The following PHYHD1 variants were observed in gnomAD, a reference collection of about 807,000 sequenced individuals.
PHYHD1 encodes phytanoyl-CoA dioxygenase domain containing 1.
Under a neutral mutation model 43.6 loss-of-function variants are expected in PHYHD1, and 42 were observed. The ratio of observed to expected loss-of-function variants is 0.96; its 90% CI spans 0.75 to 1.25. The LOEUF (loss-of-function observed/expected upper bound fraction) is 1.25, where lower values mean the gene tolerates loss of function less well. Among genes scored for constraint, PHYHD1 ranks in the 50% most tolerant of loss-of-function variants. The probability of loss-of-function intolerance (pLI) is 0.00; values close to 1 mark genes in which losing one functional copy is unlikely to be tolerated. For missense variants in PHYHD1, 342 were observed against 370.8 expected (o/e 0.92, Z 0.64); for synonymous variants, 139 against 143.6 (o/e 0.97, Z 0.23).
intron 4 of PHYHD1, among the ~76,000 whole-genome samples, chr9:128,927,671 C>T (rs1841171441): frequency 6.6e-6 from 1 of 152,230 alleles, no homozygotes; most frequent in Non-Finnish European, 1.5e-5. Flanking sequence ...ATTATCCCCC[C>T]ATTAGACAGT....
rs113079114 is a variant in PHYHD1, at chr9:128,936,591, C to T, written c.381C>T (p.Ala127=). 10 of 1,580,636 alleles carry T rather than the reference C, an allele frequency of 6.3e-6. No individual in the cohort carries two copies. The highest frequency in any genetic ancestry group is 8.6e-6 in the Non-Finnish European group (10 of 1,162,634). Reference sequence around the variant, plus strand: ...CCTTTGCCCCCCTCCAGACCTTGGCCAGAAGTCTGGGCCTCCAGATGCCCG... The same window carrying T: ...CCTTTGCCCCCCTCCAGACCTTGGCTAGAAGTCTGGGCCTCCAGATGCCCG... ...ITHSFKVQTL[A]RSLGLQMPVV... The change falls in exon 8 of 13, where the codon GCC becomes GCT. Residue 127 remains alanine (A), a synonymous_variant. Transcript: ENST00000372592.
At chr9:128,934,097 G>A in intron 6 of PHYHD1, 39 bp downstream of exon 6, 1 of 1,595,780 alleles carries the variant, frequency 6.3e-7, no homozygotes, top group Non-Finnish European at 8.6e-7. Context: ...GAAGATCGGG[G>A]AACAGGCTGG....
intron 11 of PHYHD1, 140 bp downstream of exon 11, chr9:128,940,855 G>A: frequency 2.5e-6 from 2 of 811,258 alleles, no homozygotes; most frequent in Non-Finnish European, 3.8e-6. Context: ...GGGCTGGATG[G>A]GCGCTGGGAA....
At chr9:128,923,459 C>T (rs929525165) in intron 3 of PHYHD1, among the ~76,000 whole-genome samples, 6 of 152,212 alleles carry the variant, frequency 3.9e-5, no homozygotes, top group Non-Finnish European at 7.3e-5. Context: ...CTTACTTGGT[C>T]AAGTTCTCAC....
In PHYHD1 at chr9:128,941,591, T is replaced by C. The variant is rs550486293; in HGVS notation, c.830+20T>C. ...GAACTGGTAGGTGACAGGGTGGGTG[T>C]GTGTGCCCGACAGTCCCCTGGAGGC... On this transcript the variant is annotated intron_variant, in intron 12 of 12. Transcript: ENST00000372592. The C allele has an allele frequency of 3.1e-6, 5 of 1,613,954 alleles. 1 individual carries two copies. In the African/African-American group the frequency reaches 5.3e-5, roughly 17 times the overall value.
chr9:128,937,578 T>A (rs1233057036), intron 8 of PHYHD1, among the ~76,000 whole-genome samples, 179 bp from the exon 9 acceptor site: 5 of 151,062 alleles, frequency 3.3e-5, no homozygotes, highest in Non-Finnish European at 7.4e-5. Flanking sequence ...GGGGTGGGGG[T>A]TTTCTCTTTG....
At chr9:128,932,168 TGTTA>T (rs1841301702) in intron 4 of PHYHD1, among the ~76,000 whole-genome samples, 1 of 122,878 alleles carries the variant, frequency 8.1e-6, no homozygotes, top group African/African-American at 3.5e-5. Flanking sequence ...TTATTATTAT[TGTTA>T]TTATTATTAT....
At position 128,923,058 on chromosome 9, in the gene PHYHD1, C is replaced by T. The variant is rs538849738; in HGVS notation, c.33+702C>T. Among the ~76,000 whole-genome samples, 842 of 151,456 alleles carry T rather than the reference C, an allele frequency of 5.6e-3. 9 individuals are homozygous for T. Among genetic ancestry groups the T allele is most frequent in the Non-Finnish European group, 5.9e-3 (403 of 67,924 alleles). On this transcript the variant is annotated intron_variant, in intron 3 of 12. Transcript: ENST00000372592. ...CTCCCAGGTTCAAACGACTCTCCTACCTTAGCCTCCCGAATAGCTGGGATT... is the reference window on the plus strand; with the variant it reads ...CTCCCAGGTTCAAACGACTCTCCTATCTTAGCCTCCCGAATAGCTGGGATT...
intron 4 of PHYHD1, among the ~76,000 whole-genome samples, chr9:128,930,706 T>C (rs1446935000): frequency 6.6e-6 from 1 of 151,724 alleles, no homozygotes; most frequent in South Asian, 2.1e-4. Flanking sequence ...CCCCAGCACT[T>C]TGGGAGGCCG....
intron 4 of PHYHD1, among the ~76,000 whole-genome samples, chr9:128,927,813 G>A (rs952964781): frequency 1.2e-4 from 18 of 152,266 alleles, no homozygotes; most frequent in Admixed American, 3.9e-4. Flanking sequence ...TCTGTTTTCC[G>A]GCTGTTCTCT....
chr9:128,922,048 G>A lies in PHYHD1; in HGVS notation c.-42+1G>A. On this transcript the variant is annotated splice_donor_variant, in intron 2 of 12. Coordinates refer to ENST00000372592, the MANE Select transcript of PHYHD1 (RefSeq NM_001100876.2). LOFTEE classifies it low-confidence loss of function (5UTR_SPLICE). Reference sequence around the variant, plus strand: ...TCACAGCATAATTTCCCGGCACCTGGTAAGCAGTGGTGGGGGGTGGTTTCC... The same window carrying A: ...TCACAGCATAATTTCCCGGCACCTGATAAGCAGTGGTGGGGGGTGGTTTCC... The A allele has an allele frequency of 4.0e-6, 2 of 500,696 alleles. No homozygotes were observed. The highest frequency in any genetic ancestry group is 7.1e-6 in the Non-Finnish European group (2 of 281,446). The allele number at this position is 500,696 out of a possible 1,614,324, so 31.0% of individuals were successfully genotyped here. A position where few individuals can be genotyped will look rare whatever the true frequency, so the allele number is the denominator to read the frequency against.
chr9:128,926,017 T>C (rs1400795044), intron 3 of PHYHD1, among the ~76,000 whole-genome samples: 1 of 152,204 alleles, frequency 6.6e-6, no homozygotes, highest in Non-Finnish European at 1.5e-5. Context: ...CCTGTGTGGT[T>C]AGTGTAATGC....
At chr9:128,929,826 C>T (rs886746207) in intron 4 of PHYHD1, among the ~76,000 whole-genome samples, 5 of 152,040 alleles carry the variant, frequency 3.3e-5, no homozygotes, top group Non-Finnish European at 5.9e-5. Context: ...AGCATCATTA[C>T]CTTTAATATT....
intron 4 of PHYHD1, among the ~76,000 whole-genome samples, chr9:128,932,163 A>ATTTTTTTTTTTTTT (rs1564540363): frequency 2.4e-5 from 3 of 125,342 alleles, no homozygotes; most frequent in African/African-American, 1.0e-4. Flanking sequence ...TATTATTATT[A>ATTTTTTTTTTTTTT]TTATTGTTAT....
Position 128,940,374 on chromosome 9 carries a change from C to A in PHYHD1, c.463C>A (p.Pro155Thr). The change falls in exon 10 of 13, where the codon CCT becomes ACT. Residue 155 changes from proline to threonine, a missense_variant. By Grantham distance (38) the Pro-to-Thr change is conservative. Coordinates refer to ENST00000372592, the MANE Select transcript of PHYHD1 (RefSeq NM_001100876.2). ...KQPHFGGEVS[P>T]HQDASFLYTE... ...CCCCCCGTGGGCCTGCTTAGTCTCC[C>A]CTCATCAGGACGCCTCCTTCCTGTA... is the stretch of plus-strand genomic sequence containing the variant. 1 of 1,614,168 alleles carries A rather than the reference C, an allele frequency of 6.2e-7. No individual in the cohort carries two copies. The highest frequency in any genetic ancestry group is 1.1e-5 in the South Asian group (1 of 91,086).
rs560118454 is a variant in PHYHD1, at chr9:128,924,724, C to T, written c.34-2314C>T. ...CCGAAGTGAGTGGATCACCTGAGGT[C>T]AGGAGTTCGAGACCAGCCTGGCCAA... On this transcript the variant is annotated intron_variant, in intron 3 of 12. Transcript: ENST00000372592. 1.1e-3 allele frequency among the ~76,000 whole-genome samples: 173 copies of T among 151,944 alleles called. 1 individual carries two copies. The highest frequency in any genetic ancestry group is 3.9e-3 in the African/African-American group (163 of 41,442).
chr9:128,934,500 C>T (rs1464994430), intron 6 of PHYHD1, among the ~76,000 whole-genome samples: 2 of 151,432 alleles, frequency 1.3e-5, no homozygotes, highest in East Asian at 1.9e-4. Flanking sequence ...TGGGCGTGGT[C>T]GTTCACGTCT....
At chr9:128,926,839 C>CG (rs780922391) in intron 3 of PHYHD1, 199 bp from the exon 4 acceptor site, 21 of 718,234 alleles carry the variant, frequency 2.9e-5, no homozygotes, top group Non-Finnish European at 5.0e-5. Flanking sequence ...CCACTGCACC[C>CG]GGCCTCACTA....
At chr9:128,934,637 G>T (rs903325423) in intron 6 of PHYHD1, among the ~76,000 whole-genome samples, 4 of 151,746 alleles carry the variant, frequency 2.6e-5, no homozygotes, top group African/African-American at 9.7e-5. Flanking sequence ...ATATGGTTGC[G>T]CATGCCTGTA....
Sources: allele counts gnomAD v4.1 joint callset (sites outside exome capture counted in the v4.1 genomes callset), GRCh38; gene constraint gnomAD v4.1.1; transcripts MANE v1.5; gene names NCBI Gene and HGNC (gene_info 2026-07-23, HGNC 2026-07-21).